Variants in FGGY observed in about 807,000 individuals in gnomAD.
FGGY encodes the protein FGGY carbohydrate kinase domain containing.
Under a neutral mutation model 71.3 loss-of-function variants are expected in FGGY, and 72 were observed. The observed-to-expected ratio is 1.01, with a 90% CI of 0.84 to 1.23. The LOEUF (loss-of-function observed/expected upper bound fraction) is 1.23. Ranked by LOEUF, FGGY falls within the 50% of genes most tolerant of loss-of-function variation. The pLI is 0.00. For synonymous variants in FGGY, 251 were observed against 250.3 expected (o/e 1.00, Z -0.02); for missense variants, 668 against 682.3 (o/e 0.98, Z 0.23).
chr1:59,380,061 T>C (rs2059205872), intron 5 of FGGY, among the ~76,000 whole-genome samples: 1 of 152,140 alleles, frequency 6.6e-6, no homozygotes, highest in African/African-American at 2.4e-5. Flanking sequence ...TTTTTTGTCC[T>C]TGCGATAGAT....
intron 2 of FGGY, among the ~76,000 whole-genome samples, chr1:59,336,126 T>A (rs964425527): frequency 3.3e-5 from 5 of 152,144 alleles, no homozygotes; most frequent in African/African-American, 1.2e-4. Context: ...AGTCTTACAT[T>A]TAGGGATGTG....
chr1:59,540,952 A>G (rs1318678748), intron 7 of FGGY, among the ~76,000 whole-genome samples: 2 of 152,196 alleles, frequency 1.3e-5, no homozygotes, highest in East Asian at 1.9e-4. Context: ...TGCTATACTC[A>G]TAATCATGAG....
chr1:59,404,692 C>T (rs2062479132), intron 5 of FGGY, among the ~76,000 whole-genome samples: 1 of 152,142 alleles, frequency 6.6e-6, no homozygotes, highest in African/African-American at 2.4e-5. Flanking sequence ...AGTGTCTCTT[C>T]TGCTAAATCT....
rs2096983075 is a variant in FGGY at position 59,638,326 on chromosome 1, A to C, written c.1172A>C (p.Asp391Ala). 1 of 1,614,208 alleles carries C rather than the reference A, an allele frequency of 6.2e-7. No individual in the cohort carries two copies. The highest frequency in any genetic ancestry group is 1.3e-5 in the African/African-American group (1 of 75,046). Residue 391 changes from aspartate (D) to alanine (A), a missense_variant, in exon 11 of 16, where the codon GAT (aspartate) becomes GCT (alanine). By Grantham distance (126) the Asp-to-Ala change is moderately radical (BLOSUM62 -2). Transcript: ENST00000303721. ...ACTGTTGATTTACATGTTTGGCCAGATTTCCATGGCAACCGGTCTCCCTTA... is the reference window on the plus strand; with the variant it reads ...ACTGTTGATTTACATGTTTGGCCAGCTTTCCATGGCAACCGGTCTCCCTTA... Reference protein sequence around the residue: ...FLTVDLHVWPDFHGNRSPLAD... With the variant: ...FLTVDLHVWPAFHGNRSPLAD...
At chr1:59,663,662 C>T (rs1429478319) in intron 12 of FGGY, among the ~76,000 whole-genome samples, 1 of 152,058 alleles carries the variant, frequency 6.6e-6, no homozygotes, top group Non-Finnish European at 1.5e-5. Context: ...GAAAGGAAGG[C>T]ATTTTAAGAC....
intron 11 of FGGY, among the ~76,000 whole-genome samples, chr1:59,638,837 G>T (rs1455810548): frequency 6.6e-6 from 1 of 152,090 alleles, no homozygotes; most frequent in Admixed American, 6.6e-5. Context: ...ATTAAACTTT[G>T]GTATAAGTAA....
At chr1:59,321,958 C>A (rs2046469567) in intron 2 of FGGY, among the ~76,000 whole-genome samples, 4 of 152,144 alleles carry the variant, frequency 2.6e-5, no homozygotes, top group Non-Finnish European at 5.9e-5. Flanking sequence ...GTAACTATAG[C>A]TGGAGCTGGG....
intron 14 of FGGY, chr1:59,680,623 T>C (rs1398419954): frequency 6.6e-6 from 1 of 152,124 alleles, no homozygotes; most frequent in Non-Finnish European, 1.5e-5. Context: ...TGTAATTTTT[T>C]AAGGAAATTA....
intron 7 of FGGY, among the ~76,000 whole-genome samples, chr1:59,529,409 A>G (rs2095079732): frequency 6.6e-6 from 1 of 152,194 alleles, no homozygotes; most frequent in African/African-American, 2.4e-5. Context: ...GTTAGCTACC[A>G]TGGTCCTTCT....
intron 7 of FGGY, among the ~76,000 whole-genome samples, chr1:59,524,049 C>T (rs755464843): frequency 2.0e-5 from 3 of 152,226 alleles, no homozygotes; most frequent in Non-Finnish European, 4.4e-5. Flanking sequence ...TCCCTACGCT[C>T]TCAGGGGCCC....
intron 14 of FGGY, among the ~76,000 whole-genome samples, chr1:59,722,416 A>T (rs929395772): frequency 3.9e-5 from 6 of 152,228 alleles, no homozygotes; most frequent in Admixed American, 3.9e-4. Flanking sequence ...TTAAGGAGTG[A>T]GTGAGAAGTA....
intron 4 of FGGY, among the ~76,000 whole-genome samples, chr1:59,375,657 G>A (rs1557720679): frequency 6.6e-6 from 1 of 152,150 alleles, no homozygotes; most frequent in Non-Finnish European, 1.5e-5. Flanking sequence ...GTTGGACTGG[G>A]ATCTCCAGCT....
intron 5 of FGGY, among the ~76,000 whole-genome samples, chr1:59,417,144 G>C (rs551106057): frequency 2.0e-5 from 3 of 152,182 alleles, no homozygotes; most frequent in Non-Finnish European, 4.4e-5. Context: ...CTAGCCATTG[G>C]CAACCACTAG....
chr1:59,762,429 C>A, intron 15 of FGGY, 74 bp from the exon 16 acceptor site: 2 of 1,127,686 alleles, frequency 1.8e-6, no homozygotes, highest in Non-Finnish European at 2.6e-6. Flanking sequence ...TATTTCCATT[C>A]TTCTAAATGT....
intron 5 of FGGY, among the ~76,000 whole-genome samples, chr1:59,430,980 C>T (rs577248290): frequency 8.5e-5 from 13 of 152,278 alleles, no homozygotes; most frequent in Non-Finnish European, 1.8e-4. Flanking sequence ...GATCCAATAA[C>T]TCAAACAAGA....
chr1:59,756,217 T>TA (rs1305505653), intron 14 of FGGY, among the ~76,000 whole-genome samples: 9 of 152,176 alleles, frequency 5.9e-5, no homozygotes, highest in Non-Finnish European at 8.8e-5. Flanking sequence ...TTTTCTTCAT[T>TA]AAAAAAAATC....
chr1:59,697,724 C>T, intron 14 of FGGY: 1 of 1,299,734 alleles, frequency 7.7e-7, no homozygotes, highest in South Asian at 1.2e-5. Flanking sequence ...AGACTCTCTT[C>T]TTCCAGTCTT....
chr1:59,638,428 A>G lies in FGGY; in HGVS notation c.1221+53A>G, dbSNP rs112471726. Reference sequence around the variant, plus strand: ...GGTGAAGGCAGGCCAAAGGGCTACAAAGTTTGGAAGAAGCAAAGTGAGGAA... The same window carrying G: ...GGTGAAGGCAGGCCAAAGGGCTACAGAGTTTGGAAGAAGCAAAGTGAGGAA... On this transcript the variant is annotated intron_variant, in intron 11 of 15. Coordinates refer to ENST00000303721, the MANE Select transcript of FGGY (RefSeq NM_018291.5). The G allele has an allele frequency of 2.2e-4, 343 of 1,588,636 alleles. 3 individuals are homozygous for G. In the African/African-American group the frequency reaches 3.7e-3, roughly 17 times the overall value.
rs535415165 is a variant in FGGY at position 59,544,522 on chromosome 1, G to A, written c.800-9602G>A. Among the ~76,000 whole-genome samples the A allele has an allele frequency of 6.6e-5, 10 of 152,222 alleles. No homozygotes were observed. The South Asian group carries it at 2.1e-3, about 32-fold the overall frequency. ...ACCTGCTTTAGGGGAGAATGGTGGG[G>A]GAAAGGTAAGAGTGACCTCTATGCC... On this transcript the variant is annotated intron_variant, in intron 7 of 15. Coordinates refer to ENST00000303721, the MANE Select transcript of FGGY (RefSeq NM_018291.5).
Sources: gnomAD v4.1 joint callset for allele counts (sites outside exome capture counted in the v4.1 genomes callset) on GRCh38, gnomAD v4.1.1 for gene constraint, MANE v1.5 for transcripts, NCBI Gene and HGNC (gene_info 2026-07-23, HGNC 2026-07-21) for gene names.